Variants in CGN observed in about 807,000 individuals in gnomAD.
CGN encodes cingulin.
Under a neutral mutation model 157.1 loss-of-function variants are expected in CGN, and 121 were observed. That is an observed-to-expected ratio of 0.77 (90% CI 0.66 to 0.90). CGN has a LOEUF of 0.90. Ranked by LOEUF, CGN falls within the 40% of genes least tolerant of loss-of-function variation. CGN has a pLI of 0.00. For synonymous variants in CGN, 535 were observed against 607.5 expected, an observed-to-expected ratio of 0.88 and a Z score of 1.76; for missense variants, 1,424 against 1,520.9, an observed-to-expected ratio of 0.94 and a Z score of 1.06.
intron 10 of CGN, among the ~76,000 whole-genome samples, chr1:151,528,348 C>G (rs957660745): frequency 4.6e-5 from 7 of 151,674 alleles, no homozygotes; most frequent in Non-Finnish European, 7.4e-5. Flanking sequence ...ACTCTCCCTT[C>G]ATGGTATTTT....
chr1:151,512,362 G>A (rs1208275535), intron 1 of CGN, among the ~76,000 whole-genome samples: 2 of 152,160 alleles, frequency 1.3e-5, no homozygotes, highest in Non-Finnish European at 2.9e-5. Context: ...GGTTCTAGAT[G>A]GGGACCATTG....
rs374749068 is a variant in CGN, at chr1:151,536,758, G to A, written c.3335G>A (p.Arg1112His). The A allele has an allele frequency of 1.6e-5, 26 of 1,614,028 alleles. No homozygotes were observed. Among genetic ancestry groups the A allele is most frequent in the South Asian group, 5.5e-5 (5 of 91,082 alleles). The change falls in exon 20 of 21, where the codon CGT (arginine) becomes CAT (histidine). Residue 1112 changes from arginine (R) to histidine (H), a missense_variant. Coordinates refer to ENST00000271636, the MANE Select transcript of CGN (RefSeq NM_020770.3). Reference protein sequence around the residue: ...QLSLRVKALKRQVDEAEEEIE... With the variant: ...QLSLRVKALKHQVDEAEEEIE... ...AGCCTGAGGGTGAAGGCTTTGAAGCGTCAGGTGGATGAAGCAGAAGAGGAA... is the reference window on the plus strand; with the variant it reads ...AGCCTGAGGGTGAAGGCTTTGAAGCATCAGGTGGATGAAGCAGAAGAGGAA...
Position 151,535,089 on chromosome 1 carries a change from C to T in CGN, c.2952C>T (p.Thr984=), listed in dbSNP as rs146442278. The T allele has an allele frequency of 1.3e-4, 205 of 1,614,044 alleles. 1 individual carries two copies. The African/African-American group carries it at 1.9e-3, about 15-fold the overall frequency. The change falls in exon 16 of 21, where the codon ACC becomes ACT. Residue 984 remains threonine, a synonymous_variant. Coordinates refer to ENST00000271636, the MANE Select transcript of CGN (RefSeq NM_020770.3). ...LETELDEEKN[T]VELLTDRVNR... Reference sequence around the variant, plus strand: ...CAGAGTTAGATGAGGAGAAGAACACCGTGGAGCTGCTAACAGATCGGGTGA... The same window carrying T: ...CAGAGTTAGATGAGGAGAAGAACACTGTGGAGCTGCTAACAGATCGGGTGA...
At chr1:151,514,011 C>T (rs1232501253) in intron 1 of CGN, among the ~76,000 whole-genome samples, 3 of 152,182 alleles carry the variant, frequency 2.0e-5, no homozygotes, top group Admixed American at 6.5e-5. Flanking sequence ...CTGGGGCTTA[C>T]GCAAGGCCTC....
chr1:151,537,139 A>G (rs2102505620), intron 20 of CGN, 66 bp from the exon 21 acceptor site: 1 of 1,534,974 alleles, frequency 6.5e-7, no homozygotes, highest in East Asian at 2.3e-5. Flanking sequence ...CCTTTGTACA[A>G]AAAGGGTGGC....
At chr1:151,511,248 G>A (rs1664276987), upstream of CGN, 1 of 152,374 alleles carries the variant, frequency 6.6e-6, no homozygotes, top group Admixed American at 6.5e-5. The surrounding 1 kb of genome is among the most constrained non-coding windows in gnomAD (Gnocchi z 4.8). Flanking sequence ...GAGACCCCGG[G>A]TCCCGGTCCC....
chr1:151,519,382 C>T lies in CGN; in HGVS notation c.863C>T (p.Thr288Ile), dbSNP rs752262021. The T allele has an allele frequency of 6.3e-7, 1 of 1,591,984 alleles. No homozygotes were observed. Among genetic ancestry groups the T allele is most frequent in the Non-Finnish European group, 8.5e-7 (1 of 1,175,426 alleles). The change falls in exon 2 of 21, where the codon ACC becomes ATC. Residue 288 changes from threonine to isoleucine, a missense_variant. Physicochemically the swap from Thr to Ile is moderately conservative, Grantham distance 89 (BLOSUM62 -1). Transcript: ENST00000271636. ...EEPRRSAQDP[T>I]MLQFKSTPDL... ...CCGCGGAGGAGTGCACAGGACCCCA[C>T]CATGCTGCAGGTCAGACCCAGCCCC...
At position 151,534,108 on chromosome 1, in the gene CGN, A is replaced by G; in HGVS notation, c.2876A>G (p.Asp959Gly). The change falls in exon 15 of 21, where the codon GAC becomes GGC. Residue 959 changes from aspartate (D) to glycine (G), a missense_variant. By Grantham distance (94) the Asp-to-Gly change is moderately conservative. Coordinates refer to ENST00000271636, the MANE Select transcript of CGN (RefSeq NM_020770.3). ...EAENKKRSQDDRARQLKGLEE... is the reference protein window; with the variant it reads ...EAENKKRSQDGRARQLKGLEE... ...GAGAACAAGAAGCGTTCCCAGGACGACAGGGCCCGGCAGCTGAAGGGTCTC... is the reference window on the plus strand; with the variant it reads ...GAGAACAAGAAGCGTTCCCAGGACGGCAGGGCCCGGCAGCTGAAGGGTCTC... The G allele has an allele frequency of 6.2e-7, 1 of 1,604,298 alleles. No homozygotes were observed. The highest frequency in any genetic ancestry group is 8.5e-7 in the Non-Finnish European group (1 of 1,175,246).
At chr1:151,523,662 A>G in intron 6 of CGN, 101 bp downstream of exon 6, 1 of 1,225,376 alleles carries the variant, frequency 8.2e-7, no homozygotes, top group Non-Finnish European at 1.1e-6. Context: ...ACAGAAGGAA[A>G]TCTCCAGAAG....
At chr1:151,513,375 G>A (rs893952010) in intron 1 of CGN, among the ~76,000 whole-genome samples, 3 of 152,114 alleles carry the variant, frequency 2.0e-5, no homozygotes, top group Non-Finnish European at 4.4e-5. Flanking sequence ...CTCTTTCAGC[G>A]GACCTGGGCA....
chr1:151,520,514 G>A lies in CGN; in HGVS notation c.1044+31G>A, dbSNP rs78845974. On this transcript the variant is annotated intron_variant, in intron 4 of 20. Coordinates refer to ENST00000271636, the MANE Select transcript of CGN (RefSeq NM_020770.3). Reference sequence around the variant, plus strand: ...TGGCCTTCTCTGGATGGGAGCAAGGGTCAAGGTTAGAGCTTTGAGGGCCTC... The same window carrying A: ...TGGCCTTCTCTGGATGGGAGCAAGGATCAAGGTTAGAGCTTTGAGGGCCTC... The A allele has an allele frequency of 4.7e-4, 753 of 1,612,686 alleles. 3 individuals are homozygous for A. The African/African-American group carries it at 8.5e-3, about 18-fold the overall frequency.
intron 14 of CGN, 70 bp downstream of exon 14, chr1:151,532,642 C>T (rs1664866083): frequency 1.7e-6 from 2 of 1,176,120 alleles, no homozygotes; most frequent in Non-Finnish European, 2.2e-6. Context: ...TTGTCCGAGA[C>T]AGAGTCTCAC....
At position 151,536,786 on chromosome 1, in the gene CGN, T is replaced by A; in HGVS notation, c.3363T>A (p.Ile1121=). 3 of 1,614,094 alleles carry A rather than the reference T, an allele frequency of 1.9e-6. No individual in the cohort carries two copies. The highest frequency in any genetic ancestry group is 1.6e-4 in the Middle Eastern group (1 of 6,062). ...AGGTGGATGAAGCAGAAGAGGAAATTGAGCGACTGGACGGCCTGAGGAAGA... is the reference window on the plus strand; with the variant it reads ...AGGTGGATGAAGCAGAAGAGGAAATAGAGCGACTGGACGGCCTGAGGAAGA... The part of the protein sequence containing the change: ...KRQVDEAEEE[I]ERLDGLRKKA... The change falls in exon 20 of 21, where the codon ATT becomes ATA. Residue 1121 remains isoleucine, a synonymous_variant. Transcript: ENST00000271636.
chr1:151,523,545 C>T lies in CGN; in HGVS notation c.1252C>T (p.Gln418Ter), dbSNP rs1024772927. ...ELLERRKGEA[Q>*]QSNKELQNMK... ...GCTGGAGAGGAGGAAGGGGGAGGCC[C>T]AGCAGAGCAACAAGGAGTGAGTGCA... The change falls in exon 6 of 21, where the codon CAG becomes TAG. Residue 418 changes from glutamine to a stop codon, truncating the protein, a stop_gained. Coordinates refer to ENST00000271636, the MANE Select transcript of CGN (RefSeq NM_020770.3). LOFTEE classifies it high-confidence loss of function. 3.1e-6 allele frequency: 5 copies of T among 1,609,944 alleles called. No individual in the cohort carries two copies. Among genetic ancestry groups the T allele is most frequent in the Admixed American group, 1.7e-5 (1 of 59,262 alleles).
intron 1 of CGN, chr1:151,515,468 T>G (rs1026522943): frequency 2.0e-5 from 3 of 152,082 alleles, no homozygotes; most frequent in African/African-American, 7.3e-5. Flanking sequence ...AAGTTGTGGG[T>G]TTTTTGTTGT....
At chr1:151,533,199 T>C (rs1216411163) in intron 14 of CGN, among the ~76,000 whole-genome samples, 2 of 152,164 alleles carry the variant, frequency 1.3e-5, no homozygotes, top group Non-Finnish European at 2.9e-5. Context: ...ATAAAGAAGC[T>C]GAGGACGGTG....
At chr1:151,535,319 A>T (rs1408480544) in intron 16 of CGN, among the ~76,000 whole-genome samples, 188 bp downstream of exon 16, 2 of 152,016 alleles carry the variant, frequency 1.3e-5, no homozygotes, top group Non-Finnish European at 2.9e-5. Context: ...GAAGCCAATG[A>T]TTTGCATGGA....
chr1:151,527,946 ATATATTTT>A, intron 10 of CGN: 1 of 128,812 alleles, frequency 7.8e-6, no homozygotes, highest in Non-Finnish European at 1.3e-5. Flanking sequence ...ATATATATAT[ATATATTTT>A]TTTTTTTTTT....
rs762216142 is a variant in CGN, at chr1:151,532,579, G to A, written c.2742+7G>A. On this transcript the variant is annotated splice_region_variant and intron_variant, in intron 14 of 20. Coordinates refer to ENST00000271636, the MANE Select transcript of CGN (RefSeq NM_020770.3). ...GAGCCGACTTCAGGATGAGGTAGAAGTCTAATATCCTTGGGTTTGAAGGTC... is the reference window on the plus strand; with the variant it reads ...GAGCCGACTTCAGGATGAGGTAGAAATCTAATATCCTTGGGTTTGAAGGTC... The A allele has an allele frequency of 7.4e-7, 1 of 1,346,026 alleles. No individual in the cohort carries two copies. Among genetic ancestry groups the A allele is most frequent in the Non-Finnish European group, 9.9e-7 (1 of 1,006,660 alleles). The allele number at this position is 1,346,026 out of a possible 1,614,324, so 83.4% of individuals were successfully genotyped here. A position where few individuals can be genotyped will look rare whatever the true frequency, so the allele number is the denominator to read the frequency against.
Sources: gnomAD v4.1 joint callset for allele counts (sites outside exome capture counted in the v4.1 genomes callset) on GRCh38, gnomAD v4.1.1 for gene constraint, Gnocchi (gnomAD v3.1) non-coding constraint, MANE v1.5 for transcripts, NCBI Gene and HGNC (gene_info 2026-07-23, HGNC 2026-07-21) for gene names.